The following SPATA16 variants were observed in gnomAD, a reference collection of about 807,000 sequenced individuals.
SPATA16 encodes the protein spermatogenesis associated 16.
SPATA16 carries 36 observed loss-of-function variants against 63.3 expected under a neutral mutation model. That is an observed-to-expected ratio of 0.57 (90% CI 0.44 to 0.75). SPATA16 has a LOEUF of 0.75. Among genes scored for constraint, SPATA16 ranks in the 30% least tolerant of loss-of-function variants. The pLI is 0.00. For synonymous variants in SPATA16, 203 were observed against 216.7 expected (o/e 0.94, Z 0.56); for missense variants, 646 against 679.3 (o/e 0.95, Z 0.54).
intron 2 of SPATA16, among the ~76,000 whole-genome samples, chr3:173,065,065 C>T (rs1736482325): frequency 6.6e-6 from 1 of 152,142 alleles, no homozygotes; most frequent in Non-Finnish European, 1.5e-5. Flanking sequence ...CTGAAACTGT[C>T]TGTTCTACAG....
At position 172,956,026 on chromosome 3, in the gene SPATA16, C is replaced by T. The variant is rs145024353; in HGVS notation, c.1081+651G>A. 3.2e-3 allele frequency among the ~76,000 whole-genome samples: 485 copies of T among 152,212 alleles called. 2 individuals carry two copies. Among genetic ancestry groups the T allele is most frequent in the African/African-American group, 0.011 (474 of 41,540 alleles). ...TATGCATTTAGAGATTTTCTTAACA[C>T]GGAAGTCATTGTTGAGTAGCTCCTA... On this transcript the variant is annotated intron_variant, in intron 6 of 10. Transcript: ENST00000351008.
intron 2 of SPATA16, among the ~76,000 whole-genome samples, chr3:173,060,763 T>C (rs1736360023): frequency 6.6e-6 from 1 of 152,232 alleles, no homozygotes; most frequent in Non-Finnish European, 1.5e-5. Context: ...GCTAGGTGTC[T>C]TAAGCTACTC....
intron 6 of SPATA16, among the ~76,000 whole-genome samples, chr3:172,926,553 A>C (rs1312916519): frequency 6.6e-6 from 1 of 152,218 alleles, no homozygotes; most frequent in African/African-American, 2.4e-5. Flanking sequence ...AAAGCAGGCA[A>C]AGCCAGATTC....
intron 2 of SPATA16, among the ~76,000 whole-genome samples, chr3:173,102,884 A>G (rs1338109588): frequency 1.3e-5 from 2 of 152,244 alleles, no homozygotes; most frequent in East Asian, 3.8e-4. Context: ...TCCTTCCAAT[A>G]TGAGCCTGTA....
intron 3 of SPATA16, among the ~76,000 whole-genome samples, chr3:173,029,081 G>C (rs893726459): frequency 6.6e-6 from 1 of 151,950 alleles, no homozygotes; most frequent in South Asian, 2.1e-4. Context: ...CATAAGGGGG[G>C]ACTTACTAAC....
chr3:173,100,527 G>T (rs1405177275), intron 2 of SPATA16, among the ~76,000 whole-genome samples: 2 of 151,948 alleles, frequency 1.3e-5, no homozygotes, highest in East Asian at 3.9e-4. Flanking sequence ...TCATCGTTCT[G>T]CTTGGCATTT....
intron 2 of SPATA16, among the ~76,000 whole-genome samples, chr3:173,088,349 CT>C (rs1298081499): frequency 6.6e-6 from 1 of 151,984 alleles, no homozygotes; most frequent in Non-Finnish European, 1.5e-5. Flanking sequence ...TCCCAAAGTG[CT>C]GGGATTACAG....
In SPATA16 at chr3:172,995,306, C is replaced by T. The variant is rs911350245; in HGVS notation, c.849-18254G>A. On this transcript the variant is annotated intron_variant, in intron 4 of 10. Coordinates refer to ENST00000351008, the MANE Select transcript of SPATA16 (RefSeq NM_031955.6). Reference sequence around the variant, plus strand: ...TATAACAACTTTTGGAGAAGTGAGACTAGGTAATACTATTATTATTATCTA... The same window carrying T: ...TATAACAACTTTTGGAGAAGTGAGATTAGGTAATACTATTATTATTATCTA... Among the ~76,000 whole-genome samples, 6 of 151,872 alleles carry T rather than the reference C, an allele frequency of 4.0e-5. No homozygotes were observed. The South Asian group carries it at 1.2e-3, about 32-fold the overall frequency.
intron 5 of SPATA16, among the ~76,000 whole-genome samples, chr3:172,972,506 A>G (rs1041602042): frequency 6.6e-6 from 1 of 152,192 alleles, no homozygotes; most frequent in East Asian, 1.9e-4. Flanking sequence ...AGTTTGGTTA[A>G]TTCTTTACAA....
At chr3:172,922,209 C>G (rs1002046282) in intron 8 of SPATA16, among the ~76,000 whole-genome samples, 1 of 151,204 alleles carries the variant, frequency 6.6e-6, no homozygotes, top group African/African-American at 2.5e-5. Context: ...ATTTGTGATC[C>G]CTGGGCACTT....
At chr3:172,975,008 T>C (rs1455251615) in intron 5 of SPATA16, among the ~76,000 whole-genome samples, 1 of 152,144 alleles carries the variant, frequency 6.6e-6, no homozygotes, top group African/African-American at 2.4e-5. Flanking sequence ...AATAGTAAAA[T>C]ATTCATTTTA....
chr3:172,961,069 T>TCTTCCTTCCTTC (rs770794784), intron 5 of SPATA16, among the ~76,000 whole-genome samples: 3,706 of 71,248 alleles, frequency 0.052, 139 homozygotes, highest in South Asian at 0.076. Flanking sequence ...CTTTCTTCTT[T>TCTTCCTTCCTTC]CTTCCTTCCT....
At chr3:173,038,344 C>G (rs1017695816) in intron 3 of SPATA16, among the ~76,000 whole-genome samples, 4 of 152,048 alleles carry the variant, frequency 2.6e-5, no homozygotes, top group African/African-American at 7.2e-5. Context: ...GAACAAGACA[C>G]AAACATCAGT....
Position 173,046,472 on chromosome 3 carries a change from A to T in SPATA16, c.758+2477T>A, listed in dbSNP as rs61232455. Among the ~76,000 whole-genome samples, 1,091 of 152,150 alleles carry T rather than the reference A, an allele frequency of 7.2e-3. 15 individuals are homozygous for T. Among genetic ancestry groups the T allele is most frequent in the African/African-American group, 0.025 (1,026 of 41,570 alleles). ...GTCTTCTCTATGACAAAACAATAGA[A>T]GCAAAACTACATGATGGTTTTTAAG... On this transcript the variant is annotated intron_variant, in intron 3 of 10. Transcript: ENST00000351008.
intron 1 of SPATA16, among the ~76,000 whole-genome samples, chr3:173,119,971 C>T (rs930637851): frequency 6.6e-6 from 1 of 151,934 alleles, no homozygotes; most frequent in South Asian, 2.1e-4. Flanking sequence ...CCTGTAGTCC[C>T]AATTACTCTG....
At chr3:173,079,073 CAA>C (rs1267080377) in intron 2 of SPATA16, among the ~76,000 whole-genome samples, 6 of 152,054 alleles carry the variant, frequency 3.9e-5, no homozygotes, top group Non-Finnish European at 7.4e-5. Flanking sequence ...TGTCATCTGT[CAA>C]GTCACCCTGA....
intron 5 of SPATA16, among the ~76,000 whole-genome samples, chr3:172,975,859 A>AACATATTATAT: frequency 1.3e-5 from 2 of 152,182 alleles, no homozygotes; most frequent in East Asian, 3.9e-4. Flanking sequence ...ATATCTAACA[A>AACATATTATAT]AGATAACATA....
intron 1 of SPATA16, among the ~76,000 whole-genome samples, chr3:173,121,807 G>T (rs919471242): frequency 6.6e-6 from 1 of 151,954 alleles, no homozygotes; most frequent in Non-Finnish European, 1.5e-5. Flanking sequence ...AATATTTCTG[G>T]ATTTATTTTT....
At chr3:172,969,534 A>C (rs953609732) in intron 5 of SPATA16, among the ~76,000 whole-genome samples, 2 of 152,000 alleles carry the variant, frequency 1.3e-5, no homozygotes, top group Non-Finnish European at 2.9e-5. Flanking sequence ...ATCCCACTCA[A>C]CTCTAGGAAT....
Sources: allele counts gnomAD v4.1 joint callset (sites outside exome capture counted in the v4.1 genomes callset), GRCh38; gene constraint gnomAD v4.1.1; transcripts MANE v1.5; gene names NCBI Gene and HGNC (gene_info 2026-07-23, HGNC 2026-07-21).